SPRED1: variants seen among roughly 807,000 people sequenced by gnomAD.
SPRED1 encodes the protein sprouty related EVH1 domain containing 1, also known as sprouty-related, EVH1 domain-containing protein 1.
SPRED1 carries 18 observed loss-of-function variants against 52.3 expected under a neutral mutation model. The observed-to-expected ratio is 0.34, with a 90% confidence interval of 0.24 to 0.51. The LOEUF (loss-of-function observed/expected upper bound fraction) is 0.51, where lower values mean the gene tolerates loss of function less well. Among genes scored for constraint, SPRED1 ranks in the 20% least tolerant of loss-of-function variants. SPRED1 has a pLI of 0.97. For missense variants in SPRED1, 485 were observed against 551.0 expected, an observed-to-expected ratio of 0.88 and a Z score of 1.20; for synonymous variants, 155 against 179.7, an observed-to-expected ratio of 0.86 and a Z score of 1.10.
Position 38,320,208 on chromosome 15 carries a change from G to C in SPRED1, c.208-2033G>C, listed in dbSNP as rs1046386536. 6.6e-5 allele frequency among the ~76,000 whole-genome samples: 10 copies of C among 152,292 alleles called. No homozygotes were observed. In the East Asian group the frequency reaches 1.9e-3, roughly 29 times the overall value. On this transcript the variant is annotated intron_variant, in intron 2 of 6. Transcript: ENST00000299084. ...TTTAATATCTGGCTCTTGGGAGCCA[G>C]TATAAGCAGACTCTAGCAGACCTCC... is the stretch of plus-strand genomic sequence containing the variant.
At position 38,351,695 on chromosome 15, in the gene SPRED1, C is replaced by G; in HGVS notation, c.*31C>G. Reference sequence around the variant, plus strand: ...TCCAGTGCCAAAATGAGCTTAAAATCTTTGTTTCCAGGAATTAGCTAACTT... The same window carrying G: ...TCCAGTGCCAAAATGAGCTTAAAATGTTTGTTTCCAGGAATTAGCTAACTT... On this transcript the variant is annotated 3_prime_UTR_variant, in exon 7 of 7. Coordinates refer to ENST00000299084, the MANE Select transcript of SPRED1 (RefSeq NM_152594.3). 6.2e-7 allele frequency: 1 copy of G among 1,605,720 alleles called. No individual in the cohort carries two copies.
intron 1 of SPRED1, among the ~76,000 whole-genome samples, chr15:38,260,339 C>A (rs577081947): frequency 1.6e-4 from 24 of 152,182 alleles, no homozygotes; most frequent in Admixed American, 2.6e-4. Context: ...TGGCGGTGTT[C>A]TCCCTGTGTG....
chr15:38,346,920 T>C (rs1041194116), intron 5 of SPRED1, among the ~76,000 whole-genome samples: 1 of 152,148 alleles, frequency 6.6e-6, no homozygotes, highest in Admixed American at 6.6e-5. Flanking sequence ...AACTGCATGC[T>C]TTCATATGGC....
intron 4 of SPRED1, among the ~76,000 whole-genome samples, chr15:38,329,638 A>C (rs1349193325): frequency 1.3e-5 from 2 of 152,128 alleles, no homozygotes; most frequent in African/African-American, 4.8e-5. Flanking sequence ...TTTTTGCATA[A>C]TGTTATTTAA....
At chr15:38,263,786 C>G (rs1894250084) in intron 1 of SPRED1, among the ~76,000 whole-genome samples, 1 of 152,080 alleles carries the variant, frequency 6.6e-6, no homozygotes, top group Non-Finnish European at 1.5e-5. Flanking sequence ...ATAAAATACA[C>G]TAACACTAAA....
intron 1 of SPRED1, among the ~76,000 whole-genome samples, chr15:38,262,887 A>G (rs767380005): frequency 2.0e-5 from 3 of 152,232 alleles, no homozygotes; most frequent in Non-Finnish European, 1.5e-5. Flanking sequence ...GTCAGTAAGG[A>G]TACTTAATGA....
chr15:38,341,621 C>T (rs1896031702), intron 5 of SPRED1, among the ~76,000 whole-genome samples: 1 of 152,072 alleles, frequency 6.6e-6, no homozygotes, highest in Non-Finnish European at 1.5e-5. Context: ...ATGATATGCC[C>T]TATTTTTACC....
chr15:38,312,995 G>A (rs1253985639), intron 2 of SPRED1, among the ~76,000 whole-genome samples: 1 of 151,682 alleles, frequency 6.6e-6, no homozygotes, highest in Non-Finnish European at 1.5e-5. Flanking sequence ...CACATTGAAT[G>A]TATCATTTTC....
At chr15:38,277,857 G>T (rs1595720856) in intron 1 of SPRED1, among the ~76,000 whole-genome samples, 1 of 151,564 alleles carries the variant, frequency 6.6e-6, no homozygotes, top group African/African-American at 2.4e-5. Flanking sequence ...TTCTTCTAAT[G>T]ATTAGTGATG....
chr15:38,274,251 A>C (rs1894499860), intron 1 of SPRED1, among the ~76,000 whole-genome samples: 1 of 152,212 alleles, frequency 6.6e-6, no homozygotes, highest in South Asian at 2.1e-4. Flanking sequence ...AAAATTCTAC[A>C]TGTAGGACCA....
In SPRED1 at chr15:38,253,030, G is replaced by T; in HGVS notation, c.-156G>T. On this transcript the variant is annotated 5_prime_UTR_variant, in exon 1 of 7. Coordinates refer to ENST00000299084, the MANE Select transcript of SPRED1 (RefSeq NM_152594.3). ...GTGGCCGGGGTTCCCGGCTGGGGGG[G>T]TACCGTTCTGGGTGAGGCATCCACC... 1 of 700,152 alleles carries T rather than the reference G, an allele frequency of 1.4e-6. No homozygotes were observed. Among genetic ancestry groups the T allele is most frequent in the Non-Finnish European group, 2.6e-6 (1 of 392,156 alleles). The allele number at this position is 700,152 out of a possible 1,614,324, so 43.4% of individuals were successfully genotyped here.
chr15:38,263,239 C>A (rs994981817), intron 1 of SPRED1, among the ~76,000 whole-genome samples: 2 of 152,204 alleles, frequency 1.3e-5, no homozygotes, highest in South Asian at 2.1e-4. Flanking sequence ...TAGAGATGAA[C>A]CCGGTTTTTT....
intron 2 of SPRED1, among the ~76,000 whole-genome samples, chr15:38,301,648 A>C (rs1895150649): frequency 6.6e-6 from 1 of 152,196 alleles, no homozygotes; most frequent in Non-Finnish European, 1.5e-5. Flanking sequence ...AAGACAAATG[A>C]GACGGTGATA....
At chr15:38,274,183 A>C (rs1894497371) in intron 1 of SPRED1, among the ~76,000 whole-genome samples, 1 of 152,168 alleles carries the variant, frequency 6.6e-6, no homozygotes, top group Non-Finnish European at 1.5e-5. Context: ...TTTTTAGAAA[A>C]AGTTTTTCCC....
chr15:38,284,823 T>C (rs1176748365), intron 1 of SPRED1, among the ~76,000 whole-genome samples: 1 of 151,496 alleles, frequency 6.6e-6, no homozygotes, highest in Non-Finnish European at 1.5e-5. Flanking sequence ...CCTGTGGTTT[T>C]TAAACTGTGC....
chr15:38,255,572 C>T (rs1271336958), intron 1 of SPRED1, among the ~76,000 whole-genome samples: 2 of 152,078 alleles, frequency 1.3e-5, no homozygotes, highest in Non-Finnish European at 2.9e-5. Context: ...GCATTGTTTG[C>T]TTGTGCATTA....
intron 1 of SPRED1, among the ~76,000 whole-genome samples, chr15:38,264,064 A>G (rs1448731386): frequency 1.3e-5 from 2 of 152,232 alleles, no homozygotes; most frequent in Non-Finnish European, 2.9e-5. Flanking sequence ...GAAGAGAAAG[A>G]AAGACTTAAG....
chr15:38,340,580 T>G (rs956901182), intron 5 of SPRED1, among the ~76,000 whole-genome samples: 1 of 152,138 alleles, frequency 6.6e-6, no homozygotes, highest in Non-Finnish European at 1.5e-5. Context: ...TCGCCCAGGC[T>G]GGAGTGCAGT....
chr15:38,348,848 G>A (rs905217686), intron 5 of SPRED1, among the ~76,000 whole-genome samples: 11 of 151,958 alleles, frequency 7.2e-5, no homozygotes, highest in African/African-American at 1.7e-4. Flanking sequence ...TTTGCAATTC[G>A]AAACACTTGT....
Sources: allele counts gnomAD v4.1 joint callset (sites outside exome capture counted in the v4.1 genomes callset), GRCh38; gene constraint gnomAD v4.1.1; transcripts MANE v1.5; gene names NCBI Gene and HGNC (gene_info 2026-07-23, HGNC 2026-07-21).